The following COIL variants were observed in gnomAD, a reference collection of about 807,000 sequenced individuals.
COIL encodes coilin.
A neutral mutation model predicts 51.6 loss-of-function variants in COIL; 28 were observed. That is an observed-to-expected ratio of 0.54 (90% CI 0.40 to 0.74). The LOEUF is 0.74. Among genes scored for constraint, COIL ranks in the 30% least tolerant of loss-of-function variants. The pLI, the probability that COIL is intolerant of heterozygous loss-of-function variation, is 0.00. For synonymous variants in COIL, 233 were observed against 255.8 expected (o/e 0.91, Z 0.85); for missense variants, 667 against 685.9 (o/e 0.97, Z 0.31).
chr17:56,939,124 G>T lies in COIL; in HGVS notation c.1678C>A (p.Pro560Thr), dbSNP rs778610541. Residue 560 changes from proline to threonine, a missense_variant, in exon 7 of 7, where the codon CCA becomes ACA. Transcript: ENST00000240316. ...CTTGGAGATTCAATAATCAGTCTTG[G>T]GTCAATCAACTCTTTCCAAAATACA... The part of the protein sequence containing the change: ...ITVFWKELID[P>T]RLIIESPSNT... 1.2e-5 allele frequency: 19 copies of T among 1,604,586 alleles called. 1 individual carries two copies. Among genetic ancestry groups the T allele is most frequent in the Admixed American group, 1.7e-5 (1 of 59,908 alleles).
At chr17:56,954,547 G>A (rs1010942490) in intron 1 of COIL, among the ~76,000 whole-genome samples, 29 of 151,380 alleles carry the variant, frequency 1.9e-4, no homozygotes, top group African/African-American at 6.8e-4. Flanking sequence ...GCGACAGATA[G>A]AGACTCTGTC....
chr17:56,939,229 T>G, intron 6 of COIL, 75 bp from the exon 7 acceptor site: 1 of 821,272 alleles, frequency 1.2e-6, no homozygotes, highest in Non-Finnish European at 2.1e-6. Flanking sequence ...CCACGTAAAT[T>G]TTCCGTCTGT....
chr17:56,945,123 G>T (rs949873400), intron 5 of COIL, among the ~76,000 whole-genome samples: 3 of 152,204 alleles, frequency 2.0e-5, no homozygotes, highest in African/African-American at 7.2e-5. Context: ...TGGATTGCTT[G>T]AGGCCAAGAA....
At chr17:56,944,490 G>C (rs1363843613) in intron 5 of COIL, among the ~76,000 whole-genome samples, 1 of 151,904 alleles carries the variant, frequency 6.6e-6, no homozygotes, top group African/African-American at 2.4e-5. Context: ...TGCTCGGGAG[G>C]CTGAGGCAGG....
At chr17:56,944,058 A>T (rs1910197920) in intron 5 of COIL, among the ~76,000 whole-genome samples, 1 of 151,088 alleles carries the variant, frequency 6.6e-6, no homozygotes, top group Admixed American at 6.6e-5. Context: ...TTTACGACAG[A>T]GTCTCACTAT....
chr17:56,952,371 CAT>C (rs1156781813), intron 1 of COIL: 10 of 435,780 alleles, frequency 2.3e-5, no homozygotes, highest in African/African-American at 4.1e-5. Context: ...GACGAAAACA[CAT>C]AGGAAGAAAA....
At chr17:56,940,857 G>A (rs150641228) in intron 6 of COIL, among the ~76,000 whole-genome samples, 2,020 of 152,206 alleles carry the variant, frequency 0.013, 26 homozygotes, top group Non-Finnish European at 0.017. Flanking sequence ...TAAATCGGCC[G>A]GGCGCGGTGG....
In COIL at chr17:56,950,129, G is replaced by A. The variant is rs755337678; in HGVS notation, c.1113C>T (p.Gly371=). The change falls in exon 2 of 7, where the codon GGC becomes GGT. Residue 371 remains glycine (G), a synonymous_variant. Transcript: ENST00000240316. ...CAGGAGCCTGTCCACCACCATTTGAGCCAGAACGCCTCCATCCAGCAGCAC... is the reference window on the plus strand; with the variant it reads ...CAGGAGCCTGTCCACCACCATTTGAACCAGAACGCCTCCATCCAGCAGCAC... ...TAGAAGWRRS[G]SNGGGQAPGA... 3 of 1,614,128 alleles carry A rather than the reference G, an allele frequency of 1.9e-6. No individual in the cohort carries two copies. In the Admixed American group the frequency reaches 5.0e-5, roughly 27 times the overall value.
At chr17:56,943,396 G>T (rs528378674) in intron 5 of COIL, among the ~76,000 whole-genome samples, 1 of 152,308 alleles carries the variant, frequency 6.6e-6, no homozygotes, top group South Asian at 2.1e-4. Flanking sequence ...TTCCTACAGT[G>T]AGCTATTTCT....
intron 5 of COIL, among the ~76,000 whole-genome samples, chr17:56,943,178 A>G (rs1035698898): frequency 2.6e-5 from 4 of 152,198 alleles, no homozygotes; most frequent in African/African-American, 9.6e-5. Context: ...TGCTTTGTGC[A>G]ACTGTTATAC....
rs1292375213 is a variant in COIL, at chr17:56,944,016, C to T, written c.1559-1893G>A. 4.0e-5 allele frequency among the ~76,000 whole-genome samples: 6 copies of T among 151,662 alleles called. No homozygotes were observed. The East Asian group carries it at 5.8e-4, about 15-fold the overall frequency. ...AAGTAGCGAGGACTACAAGCATGTA[C>T]CACCACACTCAGCTATGTTTTGTTT... On this transcript the variant is annotated intron_variant, in intron 5 of 6. Transcript: ENST00000240316.
At chr17:56,944,964 C>A (rs1486447398) in intron 5 of COIL, among the ~76,000 whole-genome samples, 2 of 152,120 alleles carry the variant, frequency 1.3e-5, no homozygotes, top group Non-Finnish European at 1.5e-5. Context: ...TTGCAGTGAG[C>A]CAAGATAGCG....
intron 1 of COIL, among the ~76,000 whole-genome samples, chr17:56,955,932 T>C (rs1910474706): frequency 6.6e-6 from 1 of 152,182 alleles, no homozygotes; most frequent in African/African-American, 2.4e-5. Flanking sequence ...ACTAAAGCAC[T>C]ATGTAGCAAA....
rs1360504898 is a variant in COIL, at chr17:56,960,827, G to A, written c.193C>T (p.Leu65Phe). ...CGCGCGCTCTCGGCGGGGGGCAAGA[G>A]CCCCCCCTCCAGGTAGAGGCCTAGG... ...AFLGLYLEGG[L>F]LPPAESARLV... Residue 65 changes from leucine to phenylalanine, a missense_variant, in exon 1 of 7, where the codon CTC (leucine) becomes TTC (phenylalanine). By Grantham distance (22) the Leu-to-Phe change is conservative (BLOSUM62 0). Transcript: ENST00000240316. 2 of 1,595,530 alleles carry A rather than the reference G, an allele frequency of 1.3e-6. No homozygotes were observed. The highest frequency in any genetic ancestry group is 1.7e-6 in the Non-Finnish European group (2 of 1,172,598).
intron 1 of COIL, among the ~76,000 whole-genome samples, chr17:56,960,149 G>A (rs1354276766): frequency 1.3e-5 from 2 of 151,934 alleles, no homozygotes; most frequent in African/African-American, 2.4e-5. Flanking sequence ...GATTGAACCC[G>A]GGAGGTGGAG....
At position 56,945,503 on chromosome 17, in the gene COIL, G is replaced by T. The variant is rs190546777; in HGVS notation, c.1558+939C>A. Among the ~76,000 whole-genome samples the T allele has an allele frequency of 3.2e-3, 489 of 152,254 alleles. 5 individuals are homozygous for T. Among genetic ancestry groups the T allele is most frequent in the Non-Finnish European group, 5.7e-3 (391 of 68,028 alleles). On this transcript the variant is annotated intron_variant, in intron 5 of 6. Coordinates refer to ENST00000240316, the MANE Select transcript of COIL (RefSeq NM_004645.3). ...CCAGTACCAGGTGGGGTTCATCAGA[G>T]ATAAATCCAGCAACCATTTAAAATG...
At chr17:56,959,691 C>T (rs373429354) in intron 1 of COIL, among the ~76,000 whole-genome samples, 1 of 152,206 alleles carries the variant, frequency 6.6e-6, no homozygotes, top group Admixed American at 6.5e-5. Flanking sequence ...GAAAACACAA[C>T]GATTCCCCTT....
At chr17:56,948,856 C>T (rs1219453371) in intron 4 of COIL, among the ~76,000 whole-genome samples, 5 of 150,444 alleles carry the variant, frequency 3.3e-5, no homozygotes, top group Admixed American at 2.7e-4. Flanking sequence ...AAATAGATTC[C>T]CATGATGAAA....
chr17:56,957,743 C>T (rs765518817), intron 1 of COIL, among the ~76,000 whole-genome samples: 8 of 152,052 alleles, frequency 5.3e-5, no homozygotes, highest in Non-Finnish European at 8.8e-5. Flanking sequence ...TTTTTTAAGC[C>T]ATACAGTCTG....
Sources: gnomAD v4.1 joint callset for allele counts (sites outside exome capture counted in the v4.1 genomes callset) on GRCh38, gnomAD v4.1.1 for gene constraint, MANE v1.5 for transcripts, NCBI Gene and HGNC (gene_info 2026-07-23, HGNC 2026-07-21) for gene names.